The following NCAPD3 variants were observed in gnomAD, a reference collection of about 807,000 sequenced individuals.
The protein encoded by NCAPD3 is condensin-2 complex subunit D3.
In NCAPD3, 105 loss-of-function variants were observed where a neutral mutation model predicts 182.9. That is an observed-to-expected ratio of 0.57 (90% CI 0.49 to 0.68). NCAPD3 has a LOEUF of 0.68. Among genes scored for constraint, NCAPD3 ranks in the 30% least tolerant of loss-of-function variants. The probability of loss-of-function intolerance (pLI) is 0.00; values close to 1 mark genes in which losing one functional copy is unlikely to be tolerated. For synonymous variants in NCAPD3, 815 were observed against 679.9 expected (o/e 1.20, Z -3.09); for missense variants, 1,944 against 1,837.0 (o/e 1.06, Z -1.07).
intron 14 of NCAPD3, 92 bp from the exon 15 acceptor site, chr11:134,194,242 G>C (rs1054090078): frequency 7.3e-7 from 1 of 1,362,594 alleles, no homozygotes; most frequent in Non-Finnish European, 1.0e-6. Flanking sequence ...CTTTAAGTTT[G>C]TGGTTCTTAA....
At chr11:134,166,696 G>A (rs1163147059) in intron 27 of NCAPD3, among the ~76,000 whole-genome samples, 1 of 119,196 alleles carries the variant, frequency 8.4e-6, no homozygotes, top group Admixed American at 8.2e-5. Context: ...GGCACACTGA[G>A]TGAGATGAGC....
intron 27 of NCAPD3, among the ~76,000 whole-genome samples, chr11:134,165,962 G>T (rs1356353246): frequency 1.5e-5 from 2 of 130,318 alleles, no homozygotes; most frequent in Admixed American, 1.5e-4. Flanking sequence ...GAGCTTGGGG[G>T]AGGGGCACAC....
upstream of NCAPD3, chr11:134,224,192 T>G: frequency 1.7e-6 from 1 of 574,292 alleles, no homozygotes; most frequent in Non-Finnish European, 3.1e-6. Context: ...GGGCCTGAGT[T>G]AAACCCTAAC....
intron 32 of NCAPD3, among the ~76,000 whole-genome samples, chr11:134,156,561 G>A (rs1292331921): frequency 6.6e-6 from 1 of 152,204 alleles, no homozygotes; most frequent in African/African-American, 2.4e-5. Context: ...AGGGGAATGA[G>A]ACACAGGCTC....
At chr11:134,190,142 C>A (rs1296211323) in intron 16 of NCAPD3, among the ~76,000 whole-genome samples, 1 of 152,152 alleles carries the variant, frequency 6.6e-6, no homozygotes, top group Non-Finnish European at 1.5e-5. Context: ...TTGCACTGAA[C>A]TTTCTTCAGT....
intron 13 of NCAPD3, among the ~76,000 whole-genome samples, chr11:134,198,171 C>T (rs1053108318): frequency 6.6e-6 from 1 of 152,164 alleles, no homozygotes; most frequent in Non-Finnish European, 1.5e-5. Flanking sequence ...CCAGCATTAA[C>T]ATCAACACAG....
intron 28 of NCAPD3, 124 bp from the exon 29 acceptor site, chr11:134,160,198 C>G (rs1472566963): frequency 7.4e-6 from 7 of 944,556 alleles, no homozygotes; most frequent in Non-Finnish European, 1.1e-5. Context: ...CCCCTGAACG[C>G]AAAATAAAAG....
chr11:134,217,132 A>G (rs757088956), intron 2 of NCAPD3, 34 bp from the exon 3 acceptor site: 6 of 1,521,718 alleles, frequency 3.9e-6, no homozygotes, highest in South Asian at 1.3e-5. Context: ...AAAGCCAGTC[A>G]TTAGAGAAAT....
chr11:134,161,583 C>G (rs1943581046), intron 28 of NCAPD3, among the ~76,000 whole-genome samples, 198 bp downstream of exon 28: 1 of 152,232 alleles, frequency 6.6e-6, no homozygotes, highest in Non-Finnish European at 1.5e-5. Flanking sequence ...GCCCTGGCTG[C>G]ACATCCAAGG....
intron 27 of NCAPD3, among the ~76,000 whole-genome samples, chr11:134,165,931 C>G (rs1171310896): frequency 3.0e-4 from 24 of 79,434 alleles, no homozygotes; most frequent in South Asian, 1.5e-3. Context: ...CTTGGGGGAG[C>G]AGCACACTCA....
Position 134,208,940 on chromosome 11 carries a change from T to C in NCAPD3, c.806A>G (p.Gln269Arg). ...AGCCAGTTCTGGTATGTATTTTGCT[T>C]GGTTAAGAGCTCTAAAAAAAAAAGA... is the stretch of plus-strand genomic sequence containing the variant. Reference protein sequence around the residue: ...CHVTQARALNQAKYIPELAYY... With the variant: ...CHVTQARALNRAKYIPELAYY... Residue 269 changes from glutamine (Q) to arginine (R), a missense_variant, in exon 7 of 35, where the codon CAA becomes CGA. Gln to Arg is a conservative substitution (Grantham distance 43). Coordinates refer to ENST00000534548, the MANE Select transcript of NCAPD3 (RefSeq NM_015261.3). 1 of 1,609,354 alleles carries C rather than the reference T, an allele frequency of 6.2e-7. No homozygotes were observed. The highest frequency in any genetic ancestry group is 1.3e-5 in the African/African-American group (1 of 74,778).
intron 19 of NCAPD3, among the ~76,000 whole-genome samples, chr11:134,184,436 C>T (rs531408792): frequency 2.6e-5 from 4 of 152,184 alleles, no homozygotes; most frequent in Non-Finnish European, 5.9e-5. Flanking sequence ...CTAAGGGTGC[C>T]GTGTCTCTTA....
At position 134,178,737 on chromosome 11, in the gene NCAPD3, T is replaced by C. The variant is rs1171023718; in HGVS notation, c.2679A>G (p.Pro893=). Residue 893 remains proline (P), a synonymous_variant, in exon 22 of 35, where the codon CCA becomes CCG. Coordinates refer to ENST00000534548, the MANE Select transcript of NCAPD3 (RefSeq NM_015261.3). ...GGGCCTCACTGCTGCCTTGAGATGATGGTGCTGCAAAGAAGGGAGAGAAAG... is the reference window on the plus strand; with the variant it reads ...GGGCCTCACTGCTGCCTTGAGATGACGGTGCTGCAAAGAAGGGAGAGAAAG... The part of the protein sequence containing the change: ...LASSADADHS[P]SSQGSSEAPA... The C allele has an allele frequency of 3.1e-6, 5 of 1,608,636 alleles. No homozygotes were observed. The highest frequency in any genetic ancestry group is 3.3e-5 in the Admixed American group (2 of 59,838).
intron 14 of NCAPD3, 146 bp from the exon 15 acceptor site, chr11:134,194,296 A>G (rs1455378000): frequency 1.7e-5 from 13 of 768,822 alleles, no homozygotes; most frequent in Non-Finnish European, 2.6e-5. Context: ...ACAACATCCC[A>G]TTTTTCAGAA....
Position 134,164,335 on chromosome 11 carries a change from G to C in NCAPD3, c.3574-2444C>G, listed in dbSNP as rs140008283. Among the ~76,000 whole-genome samples the C allele has an allele frequency of 8.3e-3, 1,270 of 152,366 alleles. 11 individuals carry two copies. Among genetic ancestry groups the C allele is most frequent in the Non-Finnish European group, 0.011 (743 of 68,046 alleles). On this transcript the variant is annotated intron_variant, in intron 27 of 34. Coordinates refer to ENST00000534548, the MANE Select transcript of NCAPD3 (RefSeq NM_015261.3). The stretch of plus-strand genomic sequence containing the variant: ...AGAGATGACTGAGGGAGTTTTGACA[G>C]AGTAAGTCAGAGACACCCGGAGCAC...
chr11:134,153,603 G>T (rs1943327355), intron 32 of NCAPD3: 1 of 563,536 alleles, frequency 1.8e-6, no homozygotes, highest in Non-Finnish European at 3.2e-6. Context: ...GCTGGCCCCT[G>T]GGCCTCACTG....
intron 24 of NCAPD3, among the ~76,000 whole-genome samples, chr11:134,171,924 C>T (rs985036119): frequency 6.6e-6 from 1 of 152,192 alleles, no homozygotes; most frequent in Admixed American, 6.5e-5. Flanking sequence ...GCCTTCCTGC[C>T]TTCACCCACC....
Position 134,181,161 on chromosome 11 carries a change from C to A in NCAPD3, c.2475G>T (p.Gly825=), listed in dbSNP as rs768891085. 1.2e-6 allele frequency: 2 copies of A among 1,613,854 alleles called. No individual in the cohort carries two copies. Among genetic ancestry groups the A allele is most frequent in the South Asian group, 2.2e-5 (2 of 91,060 alleles). ...EEQELLTQVC[G]DVLSTCEHRL... is the part of the protein sequence containing the mutation. ...GGTGCTCGCAGGTGGAGAGTACATCCCCACACACCTGCGTCAGCAATTCCT... is the reference window on the plus strand; with the variant it reads ...GGTGCTCGCAGGTGGAGAGTACATCACCACACACCTGCGTCAGCAATTCCT... The change falls in exon 20 of 35, where the codon GGG becomes GGT. Residue 825 remains glycine, a synonymous_variant. Transcript: ENST00000534548.
intron 24 of NCAPD3, among the ~76,000 whole-genome samples, chr11:134,170,270 G>C (rs1943975899): frequency 6.6e-6 from 1 of 152,138 alleles, no homozygotes; most frequent in Non-Finnish European, 1.5e-5. Context: ...AATTCCTTGA[G>C]ACAAAATTCA....
Sources: gnomAD v4.1 joint callset for allele counts (sites outside exome capture counted in the v4.1 genomes callset) on GRCh38, gnomAD v4.1.1 for gene constraint, MANE v1.5 for transcripts, NCBI Gene and HGNC (gene_info 2026-07-23, HGNC 2026-07-21) for gene names.